The following NR2C1 variants were observed in gnomAD, a reference collection of about 807,000 sequenced individuals.
The protein encoded by NR2C1 is nuclear receptor subfamily 2 group C member 1, also known as TR2 nuclear hormone receptor.
In NR2C1, 33 loss-of-function variants were observed where a neutral mutation model predicts 74.8. The ratio of observed to expected loss-of-function variants is 0.44; its 90% CI spans 0.33 to 0.59. NR2C1 has a LOEUF of 0.59. Among genes scored for constraint, NR2C1 ranks in the 20% least tolerant of loss-of-function variants. The probability of loss-of-function intolerance (pLI) is 0.02; values close to 1 mark genes in which losing one functional copy is unlikely to be tolerated. For synonymous variants in NR2C1, 225 were observed against 240.6 expected (o/e 0.94, Z 0.60); for missense variants, 568 against 715.6 (o/e 0.79, Z 2.35).
intron 10 of NR2C1, among the ~76,000 whole-genome samples, chr12:95,033,469 T>C (rs993791955): frequency 9.2e-5 from 14 of 152,040 alleles, no homozygotes; most frequent in African/African-American, 3.1e-4. Flanking sequence ...TCTAGGGGAA[T>C]AGTATCCCAG....
chr12:95,025,607 G>A (rs185853446), intron 12 of NR2C1, among the ~76,000 whole-genome samples: 58 of 143,446 alleles, frequency 4.0e-4, no homozygotes, highest in African/African-American at 1.4e-3. Flanking sequence ...GCTGTGAGCC[G>A]AGACAGCGCC....
At chr12:95,070,926 G>A (rs1284205362) in intron 1 of NR2C1, among the ~76,000 whole-genome samples, 1 of 152,196 alleles carries the variant, frequency 6.6e-6, no homozygotes, top group Non-Finnish European at 1.5e-5. Flanking sequence ...CAAGCCAGGG[G>A]CGATGGCTCA....
chr12:95,044,469 G>A (rs868253569), intron 9 of NR2C1, among the ~76,000 whole-genome samples: 69 of 151,536 alleles, frequency 4.6e-4, no homozygotes, highest in African/African-American at 1.6e-3. Context: ...GTAGAGACGG[G>A]GTTTCACCAC....
chr12:95,025,864 T>C (rs1468822054), intron 12 of NR2C1, among the ~76,000 whole-genome samples: 1 of 151,532 alleles, frequency 6.6e-6, no homozygotes, highest in Non-Finnish European at 1.5e-5. Context: ...AGAATGCATT[T>C]GATAACTTTG....
rs780957499 is a variant in NR2C1 at position 95,071,749 on chromosome 12, CT to C, written c.-8+1630del. 3.2e-3 allele frequency among the ~76,000 whole-genome samples: 458 copies of C among 141,516 alleles called. 1 individual carries two copies. The highest frequency in any genetic ancestry group is 7.9e-3 in the African/African-American group (306 of 38,770). 92.8% of individuals were successfully genotyped at this position (141,516 alleles called of 152,430 possible). On this transcript the variant is annotated intron_variant, in intron 1 of 13. Transcript: ENST00000333003. ...GATTAGCAACATTTCATAAAACCCA[CT>C]TTTTTTTTTTTTTTTGAGACGGAGT... is the stretch of plus-strand genomic sequence containing the variant.
intron 10 of NR2C1, among the ~76,000 whole-genome samples, chr12:95,035,107 C>T (rs1288058015): frequency 6.6e-6 from 1 of 152,006 alleles, no homozygotes; most frequent in East Asian, 1.9e-4. Flanking sequence ...GCCATGAGGA[C>T]AAATGGGGTA....
intron 1 of NR2C1, chr12:95,072,524 AG>A (rs1876856011): frequency 6.6e-6 from 1 of 151,988 alleles, no homozygotes; most frequent in Non-Finnish European, 1.5e-5. Context: ...GGTTCAAAAA[AG>A]CTCAAAATCG....
intron 1 of NR2C1, among the ~76,000 whole-genome samples, chr12:95,071,150 G>A (rs1404908041): frequency 2.7e-5 from 4 of 150,758 alleles, no homozygotes; most frequent in East Asian, 1.9e-4. Context: ...GCAGTGAGCC[G>A]AGATCGTGCC....
chr12:95,045,915 G>A (rs966582372), intron 9 of NR2C1, among the ~76,000 whole-genome samples: 1 of 151,826 alleles, frequency 6.6e-6, no homozygotes, highest in Non-Finnish European at 1.5e-5. Context: ...CTTGGCTCAC[G>A]GCAACCTCCG....
intron 7 of NR2C1, among the ~76,000 whole-genome samples, chr12:95,052,158 G>C (rs944653064): frequency 7.1e-6 from 1 of 141,094 alleles, no homozygotes; most frequent in African/African-American, 2.6e-5. Context: ...ATGTTACTTT[G>C]TTTTTTTTTT....
chr12:95,068,767 C>T lies in NR2C1; in HGVS notation c.-7-1376G>A, dbSNP rs563449145. On this transcript the variant is annotated intron_variant, in intron 1 of 13. Coordinates refer to ENST00000333003, the MANE Select transcript of NR2C1 (RefSeq NM_003297.4). ...CGAGATTGCACCATTGCACTCCAGTCTGGGCCACAAGAGTGAAATTCTGTC... is the reference window on the plus strand; with the variant it reads ...CGAGATTGCACCATTGCACTCCAGTTTGGGCCACAAGAGTGAAATTCTGTC... Among the ~76,000 whole-genome samples, 4 of 150,180 alleles carry T rather than the reference C, an allele frequency of 2.7e-5. No individual in the cohort carries two copies. The South Asian group carries it at 8.4e-4, about 32-fold the overall frequency.
At position 95,067,396 on chromosome 12, in the gene NR2C1, C is replaced by A; in HGVS notation, c.-7-5G>T. The A allele has an allele frequency of 6.2e-7, 1 of 1,602,404 alleles. No homozygotes were observed. The highest frequency in any genetic ancestry group is 8.5e-7 in the Non-Finnish European group (1 of 1,170,306). On this transcript the variant is annotated splice_region_variant and splice_polypyrimidine_tract_variant and intron_variant, in intron 1 of 13. Transcript: ENST00000333003. The stretch of plus-strand genomic sequence containing the variant: ...TCTATGGTTGCCATGATCTACCTGC[C>A]AAAAATAAAAAGATGTTTTATAATT...
At chr12:95,058,219 A>G (rs1327391803) in intron 5 of NR2C1, 91 bp downstream of exon 5, 1 of 1,142,100 alleles carries the variant, frequency 8.8e-7, no homozygotes, top group African/African-American at 1.6e-5. Flanking sequence ...ACTAAAAAGT[A>G]TACATATTTG....
chr12:95,064,782 C>T (rs1432666817), intron 2 of NR2C1, among the ~76,000 whole-genome samples: 1 of 152,104 alleles, frequency 6.6e-6, no homozygotes, highest in African/African-American at 2.4e-5. Context: ...TGGCAAAGTC[C>T]GTTTGTTTCT....
intron 9 of NR2C1, among the ~76,000 whole-genome samples, chr12:95,047,637 T>C (rs1286856725): frequency 6.6e-6 from 1 of 152,232 alleles, no homozygotes; most frequent in African/African-American, 2.4e-5. Flanking sequence ...ATAGTAAAAG[T>C]ATGAGCAGTC....
intron 9 of NR2C1, among the ~76,000 whole-genome samples, chr12:95,044,272 C>CT (rs931868190): frequency 1.1e-3 from 159 of 144,024 alleles, no homozygotes; most frequent in Admixed American, 4.2e-3. Flanking sequence ...CGTGATATAG[C>CT]TTTTTTTTTT....
At chr12:95,024,588 G>T (rs1053058563) in intron 13 of NR2C1, among the ~76,000 whole-genome samples, 2 of 151,982 alleles carry the variant, frequency 1.3e-5, no homozygotes, top group African/African-American at 2.4e-5. Context: ...CAATCTAATG[G>T]TATTTGTTTT....
At chr12:95,046,869 A>G (rs1307261456) in intron 9 of NR2C1, among the ~76,000 whole-genome samples, 3 of 152,212 alleles carry the variant, frequency 2.0e-5, no homozygotes, top group Admixed American at 2.0e-4. Flanking sequence ...TGACTTCACA[A>G]GGCTGTAAGA....
intron 10 of NR2C1, among the ~76,000 whole-genome samples, chr12:95,036,255 A>G (rs1417933707): frequency 6.8e-6 from 1 of 146,738 alleles, no homozygotes. Flanking sequence ...TCTAAAAAGC[A>G]ACACGAATGT....
Sources: allele counts gnomAD v4.1 joint callset (sites outside exome capture counted in the v4.1 genomes callset), GRCh38; gene constraint gnomAD v4.1.1; transcripts MANE v1.5; gene names NCBI Gene and HGNC (gene_info 2026-07-23, HGNC 2026-07-21).